Variants in MSRA observed in about 807,000 individuals in gnomAD.
MSRA encodes mitochondrial peptide methionine sulfoxide reductase.
MSRA carries 54 observed loss-of-function variants against 31.3 expected under a neutral mutation model. The ratio of observed to expected loss-of-function variants is 1.73; its 90% CI spans 1.39 to 2.17. The LOEUF (loss-of-function observed/expected upper bound fraction) is 2.17, where lower values mean the gene tolerates loss of function less well. MSRA is among the 30% of genes most tolerant of loss of function. The pLI is 0.00. For synonymous variants in MSRA, 169 were observed against 116.5 expected, an observed-to-expected ratio of 1.45 and a Z score of -2.90; for missense variants, 507 against 300.9, an observed-to-expected ratio of 1.69 and a Z score of -5.07.
intron 3 of MSRA, among the ~76,000 whole-genome samples, chr8:10,256,573 C>CA (rs1798192434): frequency 6.6e-6 from 1 of 152,150 alleles, no homozygotes; most frequent in Non-Finnish European, 1.5e-5. Flanking sequence ...CTTCATCCAT[C>CA]AAAAGCACTT....
At chr8:10,208,533 C>G (rs1809208442) in intron 2 of MSRA, among the ~76,000 whole-genome samples, 1 of 152,134 alleles carries the variant, frequency 6.6e-6, no homozygotes, top group Non-Finnish European at 1.5e-5. Context: ...TTCAGAATAT[C>G]TCTGCACATG....
At chr8:10,332,866 C>G (rs761235761) in intron 5 of MSRA, among the ~76,000 whole-genome samples, 1 of 152,180 alleles carries the variant, frequency 6.6e-6, no homozygotes, top group African/African-American at 2.4e-5. Flanking sequence ...GCATTTGGGC[C>G]AAATGGAAAA....
At chr8:10,254,580 C>T (rs543370124) in intron 3 of MSRA, among the ~76,000 whole-genome samples, 1 of 152,306 alleles carries the variant, frequency 6.6e-6, no homozygotes, top group South Asian at 2.1e-4. Context: ...GTCACAGTCC[C>T]ATGAGATAGA....
chr8:10,229,093 A>G (rs1421212066), intron 2 of MSRA, among the ~76,000 whole-genome samples: 1 of 152,176 alleles, frequency 6.6e-6, no homozygotes, highest in Non-Finnish European at 1.5e-5. Context: ...GTTATAAATA[A>G]TTTAGTTCTA....
chr8:10,164,102 A>G (rs1804911272), intron 1 of MSRA, among the ~76,000 whole-genome samples: 1 of 152,184 alleles, frequency 6.6e-6, no homozygotes, highest in African/African-American at 2.4e-5. Flanking sequence ...CTTTCTTTTT[A>G]AAACCGCATA....
chr8:10,140,108 G>A (rs564596876), intron 1 of MSRA, among the ~76,000 whole-genome samples: 1 of 152,320 alleles, frequency 6.6e-6, no homozygotes, highest in East Asian at 1.9e-4. Context: ...ATGAAGAGAG[G>A]ACAGATGTGG....
rs936665064 is a variant in MSRA, at chr8:10,274,863, C to T, written c.332-26671C>T. Among the ~76,000 whole-genome samples the T allele has an allele frequency of 1.1e-4, 16 of 152,280 alleles. No individual in the cohort carries two copies. In the South Asian group the frequency reaches 3.3e-3, roughly 32 times the overall value. On this transcript the variant is annotated intron_variant, in intron 3 of 5. Coordinates refer to ENST00000317173, the MANE Select transcript of MSRA (RefSeq NM_012331.5). ...TTCAACCAAGCAACCATCCATCTAC[C>T]CACCCATTCAGCCAACCAACCATCT...
At chr8:10,068,952 C>T (rs996901850) in intron 1 of MSRA, among the ~76,000 whole-genome samples, 1 of 152,142 alleles carries the variant, frequency 6.6e-6, no homozygotes, top group Admixed American at 6.5e-5. Context: ...AGATATATTT[C>T]TTTCATCAGA....
At chr8:10,343,352 A>T (rs1448941045) in intron 5 of MSRA, among the ~76,000 whole-genome samples, 2 of 152,230 alleles carry the variant, frequency 1.3e-5, no homozygotes, top group Non-Finnish European at 2.9e-5. Flanking sequence ...GCTGTACGTC[A>T]TGCAGGAGTG....
intron 1 of MSRA, among the ~76,000 whole-genome samples, chr8:10,094,211 G>A (rs1045964659): frequency 8.5e-5 from 13 of 152,088 alleles, no homozygotes; most frequent in Middle Eastern, 3.2e-3. Flanking sequence ...CAACTTTATG[G>A]TTCAGTAATA....
intron 2 of MSRA, among the ~76,000 whole-genome samples, chr8:10,226,580 C>A (rs1180482660): frequency 6.6e-6 from 1 of 152,180 alleles, no homozygotes; most frequent in Non-Finnish European, 1.5e-5. Context: ...TAGGGAAAAG[C>A]AAATTGCAGA....
chr8:10,195,036 GTAGA>G (rs1425982170), intron 1 of MSRA, among the ~76,000 whole-genome samples: 1 of 152,024 alleles, frequency 6.6e-6, no homozygotes, highest in Non-Finnish European at 1.5e-5. Context: ...TGTGTATCTG[GTAGA>G]TAGTTTCATA....
At chr8:10,249,755 A>G (rs1250135477) in intron 3 of MSRA, among the ~76,000 whole-genome samples, 1 of 152,126 alleles carries the variant, frequency 6.6e-6, no homozygotes, top group East Asian at 1.9e-4. Context: ...ATGTGCTGAG[A>G]AGTAATTCAT....
intron 1 of MSRA, among the ~76,000 whole-genome samples, chr8:10,100,638 A>G (rs540706702): frequency 6.6e-6 from 1 of 152,288 alleles, no homozygotes; most frequent in South Asian, 2.1e-4. Flanking sequence ...TACTGGAGTT[A>G]GGAGTTTATT....
At chr8:10,314,167 C>T (rs1366310420) in intron 4 of MSRA, among the ~76,000 whole-genome samples, 2 of 151,852 alleles carry the variant, frequency 1.3e-5, no homozygotes, top group East Asian at 3.9e-4. Context: ...CAAAATCTGA[C>T]AACTTTGGTT....
intron 1 of MSRA, among the ~76,000 whole-genome samples, chr8:10,190,996 A>C (rs2129053403): frequency 6.6e-6 from 1 of 152,352 alleles, no homozygotes; most frequent in South Asian, 2.1e-4. Context: ...CTGGTGTCTC[A>C]TGACCGTGAG....
chr8:10,127,655 A>T (rs1195110697), intron 1 of MSRA, among the ~76,000 whole-genome samples: 1 of 152,226 alleles, frequency 6.6e-6, no homozygotes, highest in African/African-American at 2.4e-5. Flanking sequence ...GATATTTGAT[A>T]TTGGGATTAA....
At chr8:10,056,757 T>G (rs897676257) in intron 1 of MSRA, among the ~76,000 whole-genome samples, 2 of 152,190 alleles carry the variant, frequency 1.3e-5, no homozygotes, top group Non-Finnish European at 2.9e-5. Flanking sequence ...GATTTAGTAT[T>G]GTTCTGAATG....
At chr8:10,408,011 A>G (rs574286429) in intron 5 of MSRA, among the ~76,000 whole-genome samples, 1 of 152,312 alleles carries the variant, frequency 6.6e-6, no homozygotes, top group African/African-American at 2.4e-5. Context: ...TAGAATTTCT[A>G]TTAAAAAATT....
Sources: gnomAD v4.1 joint callset for allele counts (sites outside exome capture counted in the v4.1 genomes callset) on GRCh38, gnomAD v4.1.1 for gene constraint, MANE v1.5 for transcripts, NCBI Gene and HGNC (gene_info 2026-07-23, HGNC 2026-07-21) for gene names.